AXIN1: variants seen among roughly 807,000 people sequenced by gnomAD.
AXIN1 encodes axin 1, also known as axin-1.
In AXIN1, 30 loss-of-function variants were observed where a neutral mutation model predicts 76.4. That is an observed-to-expected ratio of 0.39 (90% confidence interval 0.29 to 0.53). The LOEUF (loss-of-function observed/expected upper bound fraction) is 0.53, where lower values mean the gene tolerates loss of function less well. AXIN1 is among the 20% of genes least tolerant of loss of function. AXIN1 has a pLI of 0.66. For synonymous variants in AXIN1, 545 were observed against 501.4 expected, an observed-to-expected ratio of 1.09 and a Z score of -1.16; for missense variants, 1,140 against 1,198.8, an observed-to-expected ratio of 0.95 and a Z score of 0.72.
intron 5 of AXIN1, among the ~76,000 whole-genome samples, chr16:303,162 G>A: frequency 6.6e-6 from 1 of 151,950 alleles, no homozygotes; most frequent in East Asian, 2.0e-4. Flanking sequence ...CGCCCGGCCA[G>A]CAAAGGCAGC....
chr16:296,076 G>A (rs1353754103), intron 7 of AXIN1, among the ~76,000 whole-genome samples: 1 of 152,196 alleles, frequency 6.6e-6, no homozygotes, highest in East Asian at 1.9e-4. Context: ...GACCCAGCTG[G>A]GCAACACACT....
chr16:289,303 C>G, intron 10 of AXIN1, 137 bp downstream of exon 10: 1 of 1,116,666 alleles, frequency 9.0e-7, no homozygotes, highest in Non-Finnish European at 1.3e-6. Context: ...TGAGCTGAGG[C>G]AATCCGCCCA....
At chr16:312,137 C>T (rs1173607126) in intron 3 of AXIN1, among the ~76,000 whole-genome samples, 1 of 152,162 alleles carries the variant, frequency 6.6e-6, no homozygotes, top group Non-Finnish European at 1.5e-5. Context: ...CACAGGCCTC[C>T]GTGGATTAGA....
intron 5 of AXIN1, among the ~76,000 whole-genome samples, chr16:299,695 A>G (rs572688599): frequency 2.1e-4 from 32 of 149,778 alleles, no homozygotes; most frequent in African/African-American, 5.4e-4. Context: ...TCGCTCTGTC[A>G]CCCAGGCTGG....
chr16:309,982 A>C lies in AXIN1; in HGVS notation c.1107T>G (p.Pro369=), dbSNP rs145226052. 53 of 1,613,264 alleles carry C rather than the reference A, an allele frequency of 3.3e-5. No homozygotes were observed. The highest frequency in any genetic ancestry group is 4.4e-5 in the Non-Finnish European group (52 of 1,179,952). ...SVQVNGRVPL[P]HIPRTYRVPK... is the part of the protein sequence containing the mutation. The stretch of plus-strand genomic sequence containing the variant: ...CAAAGCCGGTACTTACGGGAATGTG[A>C]GGTAGGGGCACCCGCCCATTGACCT... Residue 369 remains proline, a synonymous_variant, in exon 4 of 11, where the codon CCT becomes CCG. Transcript: ENST00000262320.
At chr16:338,648 C>T (rs890932054) in intron 2 of AXIN1, among the ~76,000 whole-genome samples, 4 of 152,256 alleles carry the variant, frequency 2.6e-5, no homozygotes, top group Non-Finnish European at 5.9e-5. Context: ...ATGGACTGGG[C>T]ACAGTGGCTC....
At chr16:342,397 C>T (rs1426739642) in intron 2 of AXIN1, among the ~76,000 whole-genome samples, 7 of 152,202 alleles carry the variant, frequency 4.6e-5, no homozygotes, top group Admixed American at 2.6e-4. Context: ...CACACCGGGA[C>T]GACTAACCGG....
intron 1 of AXIN1, among the ~76,000 whole-genome samples, chr16:347,816 G>C (rs570544134): frequency 6.6e-6 from 1 of 152,154 alleles, no homozygotes; most frequent in African/African-American, 2.4e-5. Context: ...CCACAGAGGC[G>C]CTCGGACACC....
At chr16:325,570 C>A (rs1380507852) in intron 2 of AXIN1, among the ~76,000 whole-genome samples, 2 of 152,244 alleles carry the variant, frequency 1.3e-5, no homozygotes, top group Non-Finnish European at 2.9e-5. Context: ...CAGACACAAA[C>A]CTGGTCAAGG....
chr16:301,846 C>G (rs2052882457), intron 5 of AXIN1, among the ~76,000 whole-genome samples: 1 of 152,222 alleles, frequency 6.6e-6, no homozygotes, highest in Non-Finnish European at 1.5e-5. Context: ...GGCAGCAAAA[C>G]AGCAAAGGCT....
At position 339,930 on chromosome 16, in the gene AXIN1, C is replaced by T. The variant is rs1019661529; in HGVS notation, c.878+6218G>A. On this transcript the variant is annotated intron_variant, in intron 2 of 10. Coordinates refer to ENST00000262320, the MANE Select transcript of AXIN1 (RefSeq NM_003502.4). ...CCTTGCAACACAGCCCCTCTGCAGC[C>T]GGGCACCTTCAACAGCACCACCGCC... Among the ~76,000 whole-genome samples, 6 of 152,164 alleles carry T rather than the reference C, an allele frequency of 3.9e-5. No individual in the cohort carries two copies. The East Asian group carries it at 9.6e-4, about 24-fold the overall frequency.
intron 9 of AXIN1, 77 bp downstream of exon 9, chr16:291,113 G>A (rs549674941): frequency 4.3e-6 from 6 of 1,386,230 alleles, no homozygotes; most frequent in African/African-American, 1.4e-5. Flanking sequence ...CCGGGACGGC[G>A]GCTCTACGAT....
chr16:308,740 C>G (rs772104956), intron 4 of AXIN1, among the ~76,000 whole-genome samples: 3 of 152,144 alleles, frequency 2.0e-5, no homozygotes, highest in Non-Finnish European at 2.9e-5. Context: ...AGCACAAGCA[C>G]GCACACACGC....
At chr16:297,009 G>A (rs2141501352) in intron 7 of AXIN1, 47 bp downstream of exon 7, 3 of 1,598,004 alleles carry the variant, frequency 1.9e-6, no homozygotes, top group Non-Finnish European at 2.6e-6. Context: ...GGAGGCCAGG[G>A]GTGGCAAAGC....
rs568166382 is a variant in AXIN1 at position 319,675 on chromosome 16, C to T, written c.879-4992G>A. Among the ~76,000 whole-genome samples the T allele has an allele frequency of 7.2e-5, 11 of 152,310 alleles. No homozygotes were observed. The South Asian group carries it at 1.2e-3, about 17-fold the overall frequency. ...CAGGAAGGCACCTCTCTGGGACTCCCGCGGCTGCTCCCACATCCAGCATGG... is the reference window on the plus strand; with the variant it reads ...CAGGAAGGCACCTCTCTGGGACTCCTGCGGCTGCTCCCACATCCAGCATGG... On this transcript the variant is annotated intron_variant, in intron 2 of 10. Coordinates refer to ENST00000262320, the MANE Select transcript of AXIN1 (RefSeq NM_003502.4).
At chr16:297,317 A>G in intron 6 of AXIN1, 91 bp from the exon 7 acceptor site, 1 of 1,552,772 alleles carries the variant, frequency 6.4e-7, no homozygotes, top group Admixed American at 1.7e-5. Flanking sequence ...TGGCATCTGT[A>G]AGGCTCCCGT....
At chr16:297,607 C>T (rs1039913937) in intron 6 of AXIN1, 115 bp downstream of exon 6, 3 of 1,389,594 alleles carry the variant, frequency 2.2e-6, no homozygotes, top group Non-Finnish European at 2.9e-6. Context: ...GCAGAGGGGC[C>T]TCCTGCCTGT....
chr16:326,370 A>ATATAT (rs1415761664), intron 2 of AXIN1, among the ~76,000 whole-genome samples: 103 of 92,922 alleles, frequency 1.1e-3, no homozygotes, highest in Non-Finnish European at 1.6e-3. Flanking sequence ...AAAAAAAAAA[A>ATATAT]AAATATATAT....
At chr16:321,014 A>C (rs1387102407) in intron 2 of AXIN1, among the ~76,000 whole-genome samples, 1 of 152,164 alleles carries the variant, frequency 6.6e-6, no homozygotes, top group East Asian at 1.9e-4. Flanking sequence ...CTGGGATTAC[A>C]GGCTTAAGCC....
Sources: allele counts gnomAD v4.1 joint callset (sites outside exome capture counted in the v4.1 genomes callset), GRCh38; gene constraint gnomAD v4.1.1; transcripts MANE v1.5; gene names NCBI Gene and HGNC (gene_info 2026-07-23, HGNC 2026-07-21).